Variants in ALG14 observed in about 807,000 individuals in gnomAD.
ALG14 encodes the protein ALG14 UDP-N-acetylglucosaminyltransferase subunit.
In ALG14, 17 loss-of-function variants were observed where a neutral mutation model predicts 22.8. The ratio of observed to expected loss-of-function variants is 0.75; its 90% confidence interval spans 0.51 to 1.12. The LOEUF is 1.12. ALG14 is among the 50% of genes most tolerant of loss of function. The pLI, the probability that ALG14 is intolerant of heterozygous loss-of-function variation, is 0.00. For synonymous variants in ALG14, 89 were observed against 103.7 expected, an observed-to-expected ratio of 0.86 and a Z score of 0.86; for missense variants, 288 against 271.8, an observed-to-expected ratio of 1.06 and a Z score of -0.42.
At chr1:95,043,063 T>C (rs961034354) in intron 2 of ALG14, among the ~76,000 whole-genome samples, 4 of 152,222 alleles carry the variant, frequency 2.6e-5, no homozygotes, top group Admixed American at 6.5e-5. Context: ...GTTTTTTTTG[T>C]TCTTAGTTTT....
At chr1:95,017,440 G>A (rs1052232304) in intron 3 of ALG14, among the ~76,000 whole-genome samples, 2 of 152,184 alleles carry the variant, frequency 1.3e-5, no homozygotes, top group African/African-American at 4.8e-5. Flanking sequence ...AATTCCTGCG[G>A]TATAATCTGA....
rs1383711492 is a variant in ALG14, at chr1:94,983,010, T to C, written c.*66A>G. 4 of 1,392,276 alleles carry C rather than the reference T, an allele frequency of 2.9e-6. No individual in the cohort carries two copies. The highest frequency in any genetic ancestry group is 2.0e-6 in the Non-Finnish European group (2 of 987,018). 86.2% of individuals were successfully genotyped at this position (1,392,276 alleles called of 1,614,324 possible). On this transcript the variant is annotated 3_prime_UTR_variant, in exon 4 of 4. Transcript: ENST00000370205. ...CTTTACAAGAAACATGTAGGGTTTT[T>C]TTCCCCCCAATTTGAGTACATACTA...
At chr1:95,033,214 C>T (rs540105739) in intron 2 of ALG14, among the ~76,000 whole-genome samples, 81 of 152,072 alleles carry the variant, frequency 5.3e-4, no homozygotes, top group Non-Finnish European at 5.9e-4. Flanking sequence ...TTTACCACCC[C>T]TACCTCCCAC....
Position 95,064,990 on chromosome 1 carries a change from A to G in ALG14, c.164T>C (p.Leu55Pro). ...SGGHTTEILR[L>P]LGSLSNAYSP... ...GTAGGCATTGGACAAGCTCCCAAGC[A>G]GCCTCAGGATCTCAGTGGTATGCCC... Residue 55 changes from leucine to proline, a missense_variant, in exon 2 of 4, where the codon CTG becomes CCG. By Grantham distance (98) the Leu-to-Pro change is moderately conservative (BLOSUM62 -3). Transcript: ENST00000370205. The G allele has an allele frequency of 6.2e-7, 1 of 1,613,714 alleles. No individual in the cohort carries two copies. Among genetic ancestry groups the G allele is most frequent in the Non-Finnish European group, 8.5e-7 (1 of 1,179,784 alleles).
At chr1:95,003,680 G>A (rs1673128990) in intron 3 of ALG14, among the ~76,000 whole-genome samples, 1 of 151,966 alleles carries the variant, frequency 6.6e-6, no homozygotes, top group African/African-American at 2.4e-5. Context: ...GGGTGGTCTT[G>A]AACTCTTGGC....
rs550958131 is a variant in ALG14, at chr1:95,037,147, G to C, written c.289-9887C>G. Among the ~76,000 whole-genome samples the C allele has an allele frequency of 4.6e-5, 7 of 152,106 alleles. No individual in the cohort carries two copies. The South Asian group carries it at 1.5e-3, about 32-fold the overall frequency. On this transcript the variant is annotated intron_variant, in intron 2 of 3. Transcript: ENST00000370205. ...ATAAATGCACATTTATTCTCTCTCA[G>C]CCTTTATTGACTCCTTCTTTTGACA... is the stretch of plus-strand genomic sequence containing the variant.
chr1:94,991,893 A>G (rs1007499673), intron 3 of ALG14, among the ~76,000 whole-genome samples: 1 of 151,928 alleles, frequency 6.6e-6, no homozygotes, highest in African/African-American at 2.4e-5. Flanking sequence ...AAAAACTAAG[A>G]CACAGACGCA....
At chr1:94,987,207 G>C (rs1326348924) in intron 3 of ALG14, among the ~76,000 whole-genome samples, 1 of 152,192 alleles carries the variant, frequency 6.6e-6, no homozygotes, top group East Asian at 1.9e-4. Flanking sequence ...AGTTGTGCCT[G>C]AAGGAAACCA....
intron 3 of ALG14, among the ~76,000 whole-genome samples, chr1:95,016,254 G>A (rs1316172718): frequency 1.3e-5 from 2 of 152,076 alleles, no homozygotes; most frequent in Non-Finnish European, 2.9e-5. Context: ...CCTGGAGCTG[G>A]GAGTGACAAG....
intron 2 of ALG14, among the ~76,000 whole-genome samples, chr1:95,053,935 C>G (rs1384360967): frequency 1.3e-5 from 2 of 152,166 alleles, no homozygotes; most frequent in African/African-American, 4.8e-5. Context: ...CAAGGAACTT[C>G]TTTTACAAGA....
chr1:95,061,499 G>A (rs1275619023), intron 2 of ALG14: 1 of 151,982 alleles, frequency 6.6e-6, no homozygotes, highest in Non-Finnish European at 1.5e-5. Flanking sequence ...GAGAGAGAGA[G>A]AGTGTGCGTA....
intron 3 of ALG14, among the ~76,000 whole-genome samples, chr1:95,017,657 T>C (rs1195540158): frequency 6.6e-6 from 1 of 152,034 alleles, no homozygotes. Context: ...GCCACGAGCA[T>C]GTATCAGGGA....
chr1:94,994,050 A>G (rs1319828855), intron 3 of ALG14, among the ~76,000 whole-genome samples: 1 of 152,216 alleles, frequency 6.6e-6, no homozygotes, highest in Non-Finnish European at 1.5e-5. Context: ...AAATACATAA[A>G]TAAAGACCTA....
At chr1:95,067,728 T>C (rs1191507054) in intron 1 of ALG14, among the ~76,000 whole-genome samples, 3 of 152,226 alleles carry the variant, frequency 2.0e-5, no homozygotes, top group African/African-American at 4.8e-5. Context: ...ATCTGTTCCC[T>C]GACCCACTTC....
In ALG14 at chr1:94,977,410, C is replaced by A. The variant is rs747818879; in HGVS notation, c.*5666G>T. 1.3e-5 allele frequency: 2 copies of A among 152,156 alleles called. No homozygotes were observed. The highest frequency in any genetic ancestry group is 2.9e-5 in the Non-Finnish European group (2 of 68,040). The allele number at this position is 152,156 out of a possible 1,614,324, so 9.4% of individuals were successfully genotyped here. A position where few individuals can be genotyped will look rare whatever the true frequency, so the allele number is the denominator to read the frequency against. On this transcript the variant is annotated 3_prime_UTR_variant, in exon 4 of 4. Transcript: ENST00000370205. Reference sequence around the variant, plus strand: ...CCAAGGTCCTGGGGAGTCTTCAAGACGTTTTTAGGGGTTTATGAGGTCAAA... The same window carrying A: ...CCAAGGTCCTGGGGAGTCTTCAAGAAGTTTTTAGGGGTTTATGAGGTCAAA...
intron 3 of ALG14, among the ~76,000 whole-genome samples, chr1:95,023,526 A>C (rs1673725383): frequency 6.6e-6 from 1 of 152,216 alleles, no homozygotes; most frequent in African/African-American, 2.4e-5. Flanking sequence ...TTTCATACAA[A>C]GCGTGAGTGA....
At chr1:95,068,756 C>T (rs1675462639) in intron 1 of ALG14, among the ~76,000 whole-genome samples, 1 of 152,144 alleles carries the variant, frequency 6.6e-6, no homozygotes, top group Non-Finnish European at 1.5e-5. Flanking sequence ...GCCCTTGATA[C>T]CTTCCTACCC....
chr1:94,996,460 G>C (rs1672911183), intron 3 of ALG14, among the ~76,000 whole-genome samples: 2 of 152,192 alleles, frequency 1.3e-5, no homozygotes, highest in South Asian at 2.1e-4. Flanking sequence ...TACCACTTTA[G>C]GGGCAAGCAG....
intron 3 of ALG14, among the ~76,000 whole-genome samples, chr1:95,019,159 C>T (rs1342348656): frequency 6.6e-6 from 1 of 152,176 alleles, no homozygotes; most frequent in East Asian, 1.9e-4. Context: ...GAATTTGCTG[C>T]CCTTTGCAAT....
Sources: gnomAD v4.1 joint callset for allele counts (sites outside exome capture counted in the v4.1 genomes callset) on GRCh38, gnomAD v4.1.1 for gene constraint, MANE v1.5 for transcripts, NCBI Gene and HGNC (gene_info 2026-07-23, HGNC 2026-07-21) for gene names.